The following PDE1A variants were observed in gnomAD, a reference collection of about 807,000 sequenced individuals.
The protein encoded by PDE1A is dual specificity calcium/calmodulin-dependent 3',5'-cyclic nucleotide phosphodiesterase 1A.
PDE1A carries 35 observed loss-of-function variants against 61.7 expected under a neutral mutation model. The observed-to-expected ratio is 0.57, with a 90% CI of 0.43 to 0.75. The LOEUF (loss-of-function observed/expected upper bound fraction) is 0.75. PDE1A is among the 30% of genes least tolerant of loss of function. The probability of loss-of-function intolerance (pLI) is 0.00; values close to 1 mark genes in which losing one functional copy is unlikely to be tolerated. For synonymous variants in PDE1A, 232 were observed against 213.2 expected, an observed-to-expected ratio of 1.09 and a Z score of -0.77; for missense variants, 597 against 630.6, an observed-to-expected ratio of 0.95 and a Z score of 0.57.
At chr2:182,612,323 CTT>C in the PDE1A span, among the ~76,000 whole-genome samples, 11 of 152,268 alleles carry the variant, frequency 7.2e-5, no homozygotes, top group African/African-American at 2.6e-4. Context: ...ATTGAAATAA[CTT>C]TTCATAGACT....
At chr2:182,609,870 C>T in the PDE1A span, among the ~76,000 whole-genome samples, 9 of 152,148 alleles carry the variant, frequency 5.9e-5, no homozygotes, top group Non-Finnish European at 1.2e-4. Context: ...GGTGGATCAT[C>T]TGTGGTCAGG....
chr2:182,364,685 T>C (rs905812805), intron 1 of PDE1A, among the ~76,000 whole-genome samples: 2 of 151,762 alleles, frequency 1.3e-5, no homozygotes, highest in African/African-American at 4.8e-5. Context: ...ATTTTTATAC[T>C]TCCTGATGGA....
At chr2:182,659,913 T>G in the PDE1A span, among the ~76,000 whole-genome samples, 1 of 152,206 alleles carries the variant, frequency 6.6e-6, no homozygotes. Context: ...GCTGTCATAA[T>G]TTTGTAAACA....
intron 3 of PDE1A, among the ~76,000 whole-genome samples, chr2:182,235,913 C>T (rs1318549467): frequency 5.3e-5 from 8 of 152,150 alleles, no homozygotes; most frequent in Non-Finnish European, 1.2e-4. Flanking sequence ...GGACATATTA[C>T]TCAGTTTCTA....
the PDE1A span, chr2:182,716,540 C>G: frequency 2.0e-5 from 3 of 152,418 alleles, no homozygotes; most frequent in South Asian, 2.1e-4. Flanking sequence ...CTGGGCCCTC[C>G]GGTCAGGGAG....
the PDE1A span, among the ~76,000 whole-genome samples, chr2:182,551,657 G>T: frequency 6.6e-6 from 1 of 152,124 alleles, no homozygotes; most frequent in African/African-American, 2.4e-5. Context: ...GAATGTCAAT[G>T]ATATCAGGAT....
chr2:182,352,461 G>A (rs1698938236), intron 1 of PDE1A, among the ~76,000 whole-genome samples: 1 of 151,798 alleles, frequency 6.6e-6, no homozygotes, highest in African/African-American at 2.4e-5. Context: ...TTCTAAGAAG[G>A]GTTAAATCTA....
the PDE1A span, among the ~76,000 whole-genome samples, chr2:182,628,054 GCACACA>G: frequency 0.53 from 80,366 of 150,680 alleles, 21,628 homozygotes; most frequent in Admixed American, 0.64. Flanking sequence ...GTGTATGTGT[GCACACA>G]CACACACACA....
chr2:182,453,126 G>A (rs1233913385), intron 2 of PDE1A, among the ~76,000 whole-genome samples: 2 of 151,968 alleles, frequency 1.3e-5, no homozygotes, highest in African/African-American at 2.4e-5. Context: ...TATTTTTATG[G>A]CCTAAAAATG....
chr2:182,671,625 T>TTC, the PDE1A span, among the ~76,000 whole-genome samples: 82 of 145,696 alleles, frequency 5.6e-4, no homozygotes, highest in East Asian at 2.0e-4. Flanking sequence ...CTTTTTCTTT[T>TTC]TTTTTTTTTT....
At chr2:182,392,817 T>C (rs1313533209) in intron 1 of PDE1A, among the ~76,000 whole-genome samples, 2 of 152,392 alleles carry the variant, frequency 1.3e-5, no homozygotes, top group East Asian at 3.9e-4. Context: ...TTTGACTCCA[T>C]TTCTCAATCC....
chr2:182,715,609 G>T, the PDE1A span, among the ~76,000 whole-genome samples: 1 of 152,162 alleles, frequency 6.6e-6, no homozygotes, highest in Non-Finnish European at 1.5e-5. Context: ...GGGACAAAAT[G>T]CAGTTCCTGT....
the PDE1A span, among the ~76,000 whole-genome samples, chr2:182,661,963 A>C: frequency 6.6e-6 from 1 of 152,064 alleles, no homozygotes; most frequent in Non-Finnish European, 1.5e-5. Flanking sequence ...TAAAAATCCA[A>C]AGAAAATTTT....
chr2:182,186,674 T>G, intron 11 of PDE1A, 86 bp from the exon 12 acceptor site: 1 of 1,347,906 alleles, frequency 7.4e-7, no homozygotes, highest in Non-Finnish European at 1.0e-6. Context: ...ATGAAGAGCT[T>G]CTGACAATCC....
At chr2:182,455,871 CA>C (rs1685882704) in intron 2 of PDE1A, among the ~76,000 whole-genome samples, 1 of 151,142 alleles carries the variant, frequency 6.6e-6, no homozygotes, top group South Asian at 2.1e-4. Context: ...CAAACCTGCA[CA>C]TTGTGCACAT....
chr2:182,150,625 A>T (rs1157102341), intron 13 of PDE1A, among the ~76,000 whole-genome samples: 2 of 152,240 alleles, frequency 1.3e-5, no homozygotes, highest in East Asian at 3.8e-4. Context: ...AACCAGTTTC[A>T]AAAGTTCAAA....
chr2:182,249,719 C>A (rs752791341), intron 2 of PDE1A, among the ~76,000 whole-genome samples: 130 of 115,672 alleles, frequency 1.1e-3, no homozygotes, highest in Admixed American at 2.7e-3. Flanking sequence ...CCTTCTTCAC[C>A]CTTACCCCCC....
At chr2:182,694,291 T>G in the PDE1A span, among the ~76,000 whole-genome samples, 1 of 152,234 alleles carries the variant, frequency 6.6e-6, no homozygotes, top group Non-Finnish European at 1.5e-5. Context: ...CACAAATGTA[T>G]GGGTTTGTTT....
At chr2:182,496,683 C>T (rs1688734743) in intron 2 of PDE1A, among the ~76,000 whole-genome samples, 1 of 152,236 alleles carries the variant, frequency 6.6e-6, no homozygotes, top group African/African-American at 2.4e-5. Flanking sequence ...GGTCATGAGA[C>T]AATTGTATTG....
Sources: allele counts gnomAD v4.1 joint callset (sites outside exome capture counted in the v4.1 genomes callset), GRCh38; gene constraint gnomAD v4.1.1; transcripts MANE v1.5; gene names NCBI Gene and HGNC (gene_info 2026-07-23, HGNC 2026-07-21).